Variants in HNF4G observed in about 807,000 individuals in gnomAD.
HNF4G encodes hepatocyte nuclear factor 4-gamma.
A neutral mutation model predicts 50.9 loss-of-function variants in HNF4G; 21 were observed. That is an observed-to-expected ratio of 0.41 (90% CI 0.29 to 0.59). The LOEUF (loss-of-function observed/expected upper bound fraction) is 0.59. HNF4G is among the 20% of genes least tolerant of loss of function. HNF4G has a pLI of 0.26. For synonymous variants in HNF4G, 198 were observed against 185.6 expected, an observed-to-expected ratio of 1.07 and a Z score of -0.54; for missense variants, 527 against 559.4, an observed-to-expected ratio of 0.94 and a Z score of 0.58.
At chr8:75,518,707 C>T (rs1049457720) in intron 2 of HNF4G, among the ~76,000 whole-genome samples, 2 of 152,050 alleles carry the variant, frequency 1.3e-5, no homozygotes, top group Non-Finnish European at 2.9e-5. Context: ...CAAGACTGCA[C>T]AAAGCCGCAA....
chr8:75,547,047 T>C (rs1215624899), intron 2 of HNF4G, among the ~76,000 whole-genome samples: 2 of 152,190 alleles, frequency 1.3e-5, no homozygotes, highest in African/African-American at 4.8e-5. Context: ...TTCTTTATTT[T>C]GTTTACCTGT....
At chr8:75,544,181 CTTACAGAAGGT>C (rs1175352722) in intron 2 of HNF4G, among the ~76,000 whole-genome samples, 1 of 152,158 alleles carries the variant, frequency 6.6e-6, no homozygotes, top group Non-Finnish European at 1.5e-5. Flanking sequence ...ACATTTTAGA[CTTACAGAAGGT>C]ATATAAAAAA....
intron 9 of HNF4G, among the ~76,000 whole-genome samples, chr8:75,560,878 A>G (rs1339878225): frequency 2.0e-5 from 3 of 152,198 alleles, no homozygotes; most frequent in Non-Finnish European, 4.4e-5. Context: ...GTTTATGGAG[A>G]CTAAAGAAAT....
rs1313370330 is a variant in HNF4G, at chr8:75,560,405, A to G, written c.1185A>G (p.Pro395=). The G allele has an allele frequency of 3.7e-6, 6 of 1,613,244 alleles. No individual in the cohort carries two copies. Among genetic ancestry groups the G allele is most frequent in the African/African-American group, 1.3e-5 (1 of 74,886 alleles). ...HPMHPHLSQD[P]LTGQTILLGP... is the part of the protein sequence containing the mutation. ...TGCATCCACATTTGTCTCAAGACCC[A>G]TTAACTGGACAAACTATACTTTTAG... The change falls in exon 9 of 10, where the codon CCA becomes CCG. Residue 395 remains proline (P), a synonymous_variant. Transcript: ENST00000396423.
At chr8:75,521,758 A>G (rs1031711263) in intron 2 of HNF4G, among the ~76,000 whole-genome samples, 1 of 152,210 alleles carries the variant, frequency 6.6e-6, no homozygotes, top group Non-Finnish European at 1.5e-5. Context: ...CTGCAGTTAC[A>G]TTAAAAATAT....
chr8:75,501,922 G>C (rs576689143), intron 2 of HNF4G, among the ~76,000 whole-genome samples: 6 of 145,696 alleles, frequency 4.1e-5, no homozygotes, highest in Admixed American at 6.8e-5. Context: ...GCGCAATCTC[G>C]GCTCACTGCA....
At chr8:75,550,567 T>G (rs763075786) in intron 3 of HNF4G, among the ~76,000 whole-genome samples, 5 of 152,124 alleles carry the variant, frequency 3.3e-5, no homozygotes, top group Non-Finnish European at 5.9e-5. Flanking sequence ...AGTGCTGGGA[T>G]TACAGACTTG....
At position 75,564,759 on chromosome 8, in the gene HNF4G, T is replaced by G. The variant is rs1392097712; in HGVS notation, c.*663T>G. 1 of 152,192 alleles carries G rather than the reference T, an allele frequency of 6.6e-6. No homozygotes were observed. Among genetic ancestry groups the G allele is most frequent in the Non-Finnish European group, 1.5e-5 (1 of 68,034 alleles). 9.4% of individuals were successfully genotyped at this position (152,192 alleles called of 1,614,324 possible). The stretch of plus-strand genomic sequence containing the variant: ...GTATGTTAAGCAAAAACATGTTGCT[T>G]TTATCAGTTAGGATACAGGGTGAAC... On this transcript the variant is annotated 3_prime_UTR_variant, in exon 10 of 10. Coordinates refer to ENST00000396423, the MANE Select transcript of HNF4G (RefSeq NM_004133.5).
At chr8:75,419,769 G>T (rs942271295) in intron 1 of HNF4G, among the ~76,000 whole-genome samples, 4 of 152,268 alleles carry the variant, frequency 2.6e-5, no homozygotes, top group Non-Finnish European at 5.9e-5. Context: ...AAAACAGCGA[G>T]TGATTAGTTG....
chr8:75,473,632 C>A (rs899928806), intron 1 of HNF4G, among the ~76,000 whole-genome samples: 17 of 152,164 alleles, frequency 1.1e-4, no homozygotes, highest in African/African-American at 1.7e-4. Context: ...AGGGACTCCA[C>A]TTCACCTCCT....
At chr8:75,414,638 G>C (rs1390781043) in intron 1 of HNF4G, among the ~76,000 whole-genome samples, 1 of 152,078 alleles carries the variant, frequency 6.6e-6, no homozygotes, top group Admixed American at 6.5e-5. Flanking sequence ...TATCCATGGG[G>C]TCACGCAGTA....
chr8:75,556,814 T>C (rs1225289681), intron 6 of HNF4G, among the ~76,000 whole-genome samples: 3 of 152,208 alleles, frequency 2.0e-5, no homozygotes, highest in Non-Finnish European at 4.4e-5. Context: ...TTGAAGACAA[T>C]ATAACAATAT....
At chr8:75,531,890 C>T (rs1430972566) in intron 2 of HNF4G, among the ~76,000 whole-genome samples, 2 of 152,008 alleles carry the variant, frequency 1.3e-5, no homozygotes, top group Non-Finnish European at 2.9e-5. Context: ...CAACTGTATT[C>T]ATTGGCCATA....
chr8:75,553,950 G>T (rs182965527), intron 5 of HNF4G, among the ~76,000 whole-genome samples: 2 of 151,944 alleles, frequency 1.3e-5, no homozygotes, highest in Non-Finnish European at 2.9e-5. Context: ...ATTTTGAACC[G>T]TTCTTACTAA....
rs1214438639 is a variant in HNF4G, at chr8:75,485,595, TG to T, written c.-143-4493del. On this transcript the variant is annotated intron_variant, in intron 1 of 10. Transcript: ENST00000354370. ...TTTGACATTTTCCTATCACTAATAC[TG>T]ATTAGCAATCAAATGTATACCATCC... 2.6e-5 allele frequency among the ~76,000 whole-genome samples: 4 copies of T among 152,332 alleles called. No individual in the cohort carries two copies. The East Asian group carries it at 7.7e-4, about 29-fold the overall frequency.
At chr8:75,420,481 T>G (rs1202917505) in intron 1 of HNF4G, among the ~76,000 whole-genome samples, 1 of 152,238 alleles carries the variant, frequency 6.6e-6, no homozygotes, top group Non-Finnish European at 1.5e-5. Flanking sequence ...GCAACTCTCT[T>G]TGACCCCTGA....
chr8:75,487,617 G>T (rs1294613564), intron 1 of HNF4G, among the ~76,000 whole-genome samples: 2 of 152,124 alleles, frequency 1.3e-5, no homozygotes, highest in Non-Finnish European at 2.9e-5. Context: ...GCCCAGCTTA[G>T]ACCCAGTTTC....
chr8:75,485,461 G>C (rs1812477645), intron 1 of HNF4G, among the ~76,000 whole-genome samples: 1 of 152,120 alleles, frequency 6.6e-6, no homozygotes, highest in Non-Finnish European at 1.5e-5. Context: ...AAAATTCTAT[G>C]TAAAAAACTG....
chr8:75,455,579 A>G (rs988440850), intron 1 of HNF4G, among the ~76,000 whole-genome samples: 2 of 152,166 alleles, frequency 1.3e-5, no homozygotes, highest in East Asian at 3.8e-4. Flanking sequence ...TTAAAGCAAA[A>G]TGAAATGTGT....
Sources: gnomAD v4.1 joint callset for allele counts (sites outside exome capture counted in the v4.1 genomes callset) on GRCh38, gnomAD v4.1.1 for gene constraint, MANE v1.5 for transcripts, NCBI Gene and HGNC (gene_info 2026-07-23, HGNC 2026-07-21) for gene names.